BICRA: variants seen among roughly 807,000 people sequenced by gnomAD.
BICRA encodes the protein BRD4-interacting chromatin-remodeling complex-associated protein.
Under a neutral mutation model 96.9 loss-of-function variants are expected in BICRA, and 31 were observed. The observed-to-expected ratio is 0.32, with a 90% CI of 0.24 to 0.43. The LOEUF (loss-of-function observed/expected upper bound fraction) is 0.43, where lower values mean the gene tolerates loss of function less well. Ranked by LOEUF, BICRA falls within the 20% of genes least tolerant of loss-of-function variation. The pLI is 1.00. For synonymous variants in BICRA, 1,350 were observed against 1,071.8 expected (o/e 1.26, Z -5.07); for missense variants, 2,283 against 2,190.3 (o/e 1.04, Z -0.84).
At chr19:47,614,019 G>A (rs1971948517) in intron 1 of BICRA, among the ~76,000 whole-genome samples, 1 of 151,748 alleles carries the variant, frequency 6.6e-6, no homozygotes, top group Admixed American at 6.6e-5. Flanking sequence ...TGTGTGACAG[G>A]GCCCTGGGGA....
Position 47,694,677 on chromosome 19 carries a change from C to T in BICRA, c.2846C>T (p.Pro949Leu). Residue 949 changes from proline to leucine, a missense_variant, in exon 8 of 15, where the codon CCC (proline) becomes CTC (leucine). Pro to Leu is a moderately conservative substitution (Grantham distance 98). Transcript: ENST00000594866. ...CGGACCTTCCAGATGGTGACCACCC[C>T]CTTCCCAGCGCTGCCCCAGCCGAAG... ...PPRTFQMVTT[P>L]FPALPQPKAL... 6.3e-7 allele frequency: 1 copy of T among 1,597,122 alleles called. No individual in the cohort carries two copies. Among genetic ancestry groups the T allele is most frequent in the Non-Finnish European group, 8.6e-7 (1 of 1,168,026 alleles).
chr19:47,682,270 CAG>C (rs1455301988), intron 7 of BICRA, 118 bp downstream of exon 7: 3 of 575,192 alleles, frequency 5.2e-6, no homozygotes, highest in African/African-American at 3.8e-5. Flanking sequence ...ACTTGGAACA[CAG>C]AGCTCTCCTT....
At position 47,679,758 on chromosome 19, in the gene BICRA, C is replaced by G. The variant is rs780895539; in HGVS notation, c.588C>G (p.Pro196=). Residue 196 remains proline (P), a synonymous_variant, in exon 6 of 15, where the codon CCC becomes CCG. Coordinates refer to ENST00000594866, the MANE Select transcript of BICRA (RefSeq NM_001394372.1). ...DVVNKALSVQ[P]FLQPVGLGNV... ...TCAACAAGGCCCTGAGTGTGCAGCC[C>G]TTCCTGCAGCCTGTGGGCCTGGGCA... The G allele has an allele frequency of 7.2e-6, 11 of 1,522,846 alleles. No individual in the cohort carries two copies. The highest frequency in any genetic ancestry group is 1.4e-5 in the African/African-American group (1 of 71,884). 94.3% of individuals were successfully genotyped at this position (1,522,846 alleles called of 1,614,324 possible).
chr19:47,618,137 C>G (rs184226947), intron 1 of BICRA, among the ~76,000 whole-genome samples: 4 of 152,260 alleles, frequency 2.6e-5, no homozygotes, highest in African/African-American at 9.6e-5. Context: ...GGGGTCACAC[C>G]TGGGTGCATG....
rs75402413 is a variant in BICRA at position 47,681,395 on chromosome 19, A to T, written c.2106+119A>T. On this transcript the variant is annotated intron_variant, in intron 6 of 14. Coordinates refer to ENST00000594866, the MANE Select transcript of BICRA (RefSeq NM_001394372.1). ...TGCCACTGTGGCAGCTGGGGGGGGAAGGTCTCAGTCATGGCACAGGTGGCC... is the reference window on the plus strand; with the variant it reads ...TGCCACTGTGGCAGCTGGGGGGGGATGGTCTCAGTCATGGCACAGGTGGCC... The T allele has an allele frequency of 7.9e-6, 7 of 891,504 alleles. No individual in the cohort carries two copies. The African/African-American group carries it at 1.0e-4, about 13-fold the overall frequency. 55.2% of individuals were successfully genotyped at this position (891,504 alleles called of 1,614,324 possible). A position where few individuals can be genotyped will look rare whatever the true frequency, so the allele number is the denominator to read the frequency against.
At chr19:47,639,256 T>C (rs1972346807) in intron 1 of BICRA, among the ~76,000 whole-genome samples, 1 of 149,236 alleles carries the variant, frequency 6.7e-6, no homozygotes, top group South Asian at 2.1e-4. Flanking sequence ...AGTCCACCCC[T>C]CTCTGCCTCC....
At chr19:47,635,528 C>G (rs1304689053) in intron 1 of BICRA, among the ~76,000 whole-genome samples, 1 of 152,158 alleles carries the variant, frequency 6.6e-6, no homozygotes, top group East Asian at 1.9e-4. Flanking sequence ...GCTGGGATTG[C>G]AGGCATGAGC....
chr19:47,630,901 CTTG>C (rs755888780), intron 1 of BICRA, among the ~76,000 whole-genome samples: 1 of 152,032 alleles, frequency 6.6e-6, no homozygotes, highest in Non-Finnish European at 1.5e-5. Context: ...CTTGCCAACA[CTTG>C]TTGTAGTCTT....
At chr19:47,609,596 G>T (rs1971865388) in intron 1 of BICRA, among the ~76,000 whole-genome samples, 1 of 151,692 alleles carries the variant, frequency 6.6e-6, no homozygotes, top group South Asian at 2.1e-4. Context: ...TCCACGGGGG[G>T]AGGGGCGCGG....
At chr19:47,683,757 TG>T (rs1973102587) in intron 7 of BICRA, among the ~76,000 whole-genome samples, 1 of 152,120 alleles carries the variant, frequency 6.6e-6, no homozygotes, top group Non-Finnish European at 1.5e-5. Context: ...GCTAATTTTT[TG>T]TATTTTTAGT....
At chr19:47,682,857 A>G (rs202177952) in intron 7 of BICRA, among the ~76,000 whole-genome samples, 1 of 152,094 alleles carries the variant, frequency 6.6e-6, no homozygotes, top group East Asian at 1.9e-4. Context: ...TTTTTAATAG[A>G]GACGGGGTTT....
intron 1 of BICRA, among the ~76,000 whole-genome samples, chr19:47,623,162 A>T (rs1181919768): frequency 6.6e-6 from 1 of 152,012 alleles, no homozygotes; most frequent in African/African-American, 2.4e-5. Flanking sequence ...ATTCCCTTTT[A>T]TTTTCATTCC....
At position 47,679,862 on chromosome 19, in the gene BICRA, G is replaced by A. The variant is rs1278557758; in HGVS notation, c.692G>A (p.Gly231Asp). ...SPGGATAATL[G>D]LAPIQVVGQP... is the part of the protein sequence containing the mutation. ...GGGGGTGCCACGGCGGCCACACTGG[G>A]CCTGGCGCCCATCCAGGTGGTGGGC... Residue 231 changes from glycine (G) to aspartate (D), a missense_variant, in exon 6 of 15, where the codon GGC becomes GAC. Gly to Asp is a moderately conservative substitution (Grantham distance 94). Transcript: ENST00000594866. The A allele has an allele frequency of 6.6e-7, 1 of 1,513,396 alleles. No homozygotes were observed. The highest frequency in any genetic ancestry group is 1.2e-5 in the South Asian group (1 of 80,930). 93.7% of individuals were successfully genotyped at this position (1,513,396 alleles called of 1,614,324 possible).
intron 1 of BICRA, among the ~76,000 whole-genome samples, chr19:47,668,413 G>A (rs1021750077): frequency 6.6e-6 from 1 of 151,532 alleles, no homozygotes; most frequent in Non-Finnish European, 1.5e-5. Flanking sequence ...CTGATGTCTT[G>A]TTTCAGCTCA....
At chr19:47,642,283 A>G (rs1399628860) in intron 1 of BICRA, among the ~76,000 whole-genome samples, 2 of 152,228 alleles carry the variant, frequency 1.3e-5, no homozygotes, top group Non-Finnish European at 2.9e-5. Flanking sequence ...TTTGGCTGCC[A>G]TAGATGATGC....
intron 3 of BICRA, 33 bp from the exon 4 acceptor site, chr19:47,673,687 A>C (rs1972899744): frequency 6.3e-7 from 1 of 1,580,168 alleles, no homozygotes; most frequent in Non-Finnish European, 8.6e-7. Context: ...CCAGCTCCTT[A>C]CCTCCTCAGC....
chr19:47,702,514 C>T lies in BICRA; in HGVS notation c.*99C>T, dbSNP rs898502663. The T allele has an allele frequency of 5.2e-6, 7 of 1,339,974 alleles. No individual in the cohort carries two copies. Among genetic ancestry groups the T allele is most frequent in the South Asian group, 1.7e-5 (1 of 58,244 alleles). 83.0% of individuals were successfully genotyped at this position (1,339,974 alleles called of 1,614,324 possible). Reference sequence around the variant, plus strand: ...CCTGGGGACTCGAGCCGGGGATCCCCTGACGGTTTTTCTTGCCTAAGTTAT... The same window carrying T: ...CCTGGGGACTCGAGCCGGGGATCCCTTGACGGTTTTTCTTGCCTAAGTTAT... On this transcript the variant is annotated 3_prime_UTR_variant, in exon 15 of 15. Transcript: ENST00000594866.
At chr19:47,612,231 A>G (rs1886676667) in intron 1 of BICRA, among the ~76,000 whole-genome samples, 1 of 151,930 alleles carries the variant, frequency 6.6e-6, no homozygotes. Context: ...CCTAGGCAAC[A>G]CGGTGAGACC....
chr19:47,628,690 A>G (rs1476546776), intron 1 of BICRA, among the ~76,000 whole-genome samples: 3 of 151,082 alleles, frequency 2.0e-5, no homozygotes, highest in African/African-American at 7.3e-5. Context: ...TTGCAGTCTC[A>G]ACATCCTGGG....
Sources: allele counts gnomAD v4.1 joint callset (sites outside exome capture counted in the v4.1 genomes callset), GRCh38; gene constraint gnomAD v4.1.1; transcripts MANE v1.5; gene names NCBI Gene and HGNC (gene_info 2026-07-23, HGNC 2026-07-21).